Variants in GPC5 observed in about 807,000 individuals in gnomAD.
The protein encoded by GPC5 is glypican 5.
Under a neutral mutation model 53.9 loss-of-function variants are expected in GPC5, and 47 were observed. The observed-to-expected ratio is 0.87, with a 90% CI of 0.69 to 1.11. GPC5 has a LOEUF of 1.11. Ranked by LOEUF, GPC5 falls within the 50% of genes most tolerant of loss-of-function variation. The pLI is 0.00. For missense variants in GPC5, 748 were observed against 713.1 expected (o/e 1.05, Z -0.56); for synonymous variants, 286 against 263.3 (o/e 1.09, Z -0.84).
chr13:92,425,810 AT>A (rs1367955752), intron 7 of GPC5, among the ~76,000 whole-genome samples: 23 of 152,054 alleles, frequency 1.5e-4, no homozygotes, highest in African/African-American at 5.6e-4. Flanking sequence ...ATATGTATAT[AT>A]TTTAGCTATT....
chr13:92,638,343 C>T (rs1885479310), intron 7 of GPC5, among the ~76,000 whole-genome samples: 1 of 152,006 alleles, frequency 6.6e-6, no homozygotes, highest in Non-Finnish European at 1.5e-5. Context: ...AAAAGGAAAC[C>T]TTCTCTTGGT....
chr13:92,704,861 A>AGTGTATATATATATATACTCAATGT lies in GPC5; in HGVS notation c.1562-161406_1562-161405insTACTCAATGTGTGTATATATATATA, dbSNP rs1555304712. On this transcript the variant is annotated intron_variant, in intron 7 of 7. Coordinates refer to ENST00000377067, the MANE Select transcript of GPC5 (RefSeq NM_004466.6). Reference sequence around the variant, plus strand: ...CACACTCTTAGTGTGTAAATATATGAGTGTATATATATATACTCAATGTGT... The same window carrying AGTGTATATATATATATACTCAATGT: ...CACACTCTTAGTGTGTAAATATATGAGTGTATATATATATATACTCAATGTGTGTATATATATATACTCAATGTGT... Among the ~76,000 whole-genome samples the AGTGTATATATATATATACTCAATGT allele has an allele frequency of 3.8e-3, 552 of 146,338 alleles. 10 individuals are homozygous for AGTGTATATATATATATACTCAATGT. Among genetic ancestry groups the AGTGTATATATATATATACTCAATGT allele is most frequent in the African/African-American group, 0.013 (522 of 38,986 alleles).
At chr13:91,783,993 G>A (rs769327475) in intron 5 of GPC5, among the ~76,000 whole-genome samples, 13 of 152,112 alleles carry the variant, frequency 8.5e-5, no homozygotes, top group Non-Finnish European at 1.5e-4. Flanking sequence ...CTTCCCAGAT[G>A]GACAAGTTGT....
intron 7 of GPC5, among the ~76,000 whole-genome samples, chr13:92,350,986 T>C (rs1429874606): frequency 6.6e-6 from 1 of 151,986 alleles, no homozygotes; most frequent in East Asian, 1.9e-4. Flanking sequence ...TAAAATTGTA[T>C]ACAAAAAAGA....
chr13:91,784,269 A>G (rs1198720078), intron 5 of GPC5, among the ~76,000 whole-genome samples: 1 of 152,180 alleles, frequency 6.6e-6, no homozygotes, highest in Non-Finnish European at 1.5e-5. Context: ...AAGTTTTAAG[A>G]TGAAAAAAAT....
At chr13:92,180,454 C>T (rs2042138657) in intron 7 of GPC5, among the ~76,000 whole-genome samples, 2 of 152,164 alleles carry the variant, frequency 1.3e-5, no homozygotes, top group South Asian at 2.1e-4. Flanking sequence ...GAAGTAAATT[C>T]TCCAAATGTC....
intron 7 of GPC5, among the ~76,000 whole-genome samples, chr13:92,155,315 T>A (rs1263823150): frequency 6.6e-6 from 1 of 152,098 alleles, no homozygotes; most frequent in East Asian, 1.9e-4. Context: ...ATTATAATGA[T>A]AATCTGTTTT....
intron 7 of GPC5, among the ~76,000 whole-genome samples, chr13:92,150,049 T>C (rs567721614): frequency 2.2e-4 from 33 of 152,088 alleles, no homozygotes; most frequent in Non-Finnish European, 4.1e-4. Context: ...TGTAAACTGT[T>C]GAAAAATAAC....
chr13:91,556,291 G>T (rs1215904031), intron 2 of GPC5, among the ~76,000 whole-genome samples: 1 of 151,290 alleles, frequency 6.6e-6, no homozygotes, highest in Non-Finnish European at 1.5e-5. Flanking sequence ...TAGTTTTTTT[G>T]GGTGCCATTC....
chr13:91,464,568 A>G (rs1882120677), intron 2 of GPC5, among the ~76,000 whole-genome samples: 1 of 152,178 alleles, frequency 6.6e-6, no homozygotes, highest in Admixed American at 6.5e-5. Context: ...ATACATGCAA[A>G]CAATTGGATG....
intron 5 of GPC5, among the ~76,000 whole-genome samples, chr13:91,894,246 C>CTTTG (rs200375529): frequency 0.017 from 2,554 of 152,012 alleles, 31 homozygotes; most frequent in Middle Eastern, 0.044. Flanking sequence ...CCCTTCAGGA[C>CTTTG]TTTGTTTGTT....
At chr13:92,446,226 C>T (rs1164946161) in intron 7 of GPC5, among the ~76,000 whole-genome samples, 2 of 151,622 alleles carry the variant, frequency 1.3e-5, no homozygotes, top group Admixed American at 6.6e-5. Context: ...ATCCCCATTT[C>T]ACCTTCTCTG....
chr13:92,290,455 C>T (rs1192845313), intron 7 of GPC5, among the ~76,000 whole-genome samples: 38 of 152,156 alleles, frequency 2.5e-4, no homozygotes, highest in Admixed American at 2.5e-3. Flanking sequence ...ATGCACTGCA[C>T]CCTATTTGTA....
At chr13:91,956,475 G>A (rs1033785663) in intron 6 of GPC5, among the ~76,000 whole-genome samples, 10 of 152,068 alleles carry the variant, frequency 6.6e-5, no homozygotes, top group Non-Finnish European at 1.2e-4. Flanking sequence ...TCCACTACCT[G>A]CCTGGCCCAC....
At chr13:91,742,375 T>C (rs1396031617) in intron 4 of GPC5, among the ~76,000 whole-genome samples, 1 of 152,170 alleles carries the variant, frequency 6.6e-6, no homozygotes, top group Non-Finnish European at 1.5e-5. Flanking sequence ...GAAAAGTACT[T>C]TGCTCCACCT....
chr13:92,412,049 G>A (rs140249375), intron 7 of GPC5, among the ~76,000 whole-genome samples: 7 of 151,972 alleles, frequency 4.6e-5, no homozygotes, highest in African/African-American at 9.7e-5. Context: ...TTTGACATAC[G>A]GTTCTCTTCC....
At chr13:92,271,465 A>T (rs1043577841) in intron 7 of GPC5, among the ~76,000 whole-genome samples, 1 of 152,216 alleles carries the variant, frequency 6.6e-6, no homozygotes, top group African/African-American at 2.4e-5. Flanking sequence ...AACTTATTAT[A>T]TATTTCCAGG....
intron 7 of GPC5, among the ~76,000 whole-genome samples, chr13:92,798,931 T>C (rs980345805): frequency 4.0e-5 from 6 of 151,872 alleles, no homozygotes; most frequent in African/African-American, 1.4e-4. Flanking sequence ...ATACGTAATA[T>C]CTTAGATTCC....
chr13:92,457,367 A>C (rs891571301), intron 7 of GPC5, among the ~76,000 whole-genome samples: 2 of 151,932 alleles, frequency 1.3e-5, no homozygotes, highest in African/African-American at 4.8e-5. Flanking sequence ...GCATGTAAAA[A>C]TGTTTAGCAT....
Sources: gnomAD v4.1 joint callset for allele counts (sites outside exome capture counted in the v4.1 genomes callset) on GRCh38, gnomAD v4.1.1 for gene constraint, MANE v1.5 for transcripts, NCBI Gene and HGNC (gene_info 2026-07-23, HGNC 2026-07-21) for gene names.